KIAA0586: variants seen among roughly 807,000 people sequenced by gnomAD.
KIAA0586 encodes protein TALPID3.
In KIAA0586, 144 loss-of-function variants were observed where a neutral mutation model predicts 169.8. That is an observed-to-expected ratio of 0.85 (90% CI 0.74 to 0.97). KIAA0586 has a LOEUF of 0.97. Ranked by LOEUF, KIAA0586 falls within the 50% of genes least tolerant of loss-of-function variation. The pLI is 0.00. For missense variants in KIAA0586, 1,854 were observed against 1,823.0 expected (o/e 1.02, Z -0.31); for synonymous variants, 625 against 612.4 (o/e 1.02, Z -0.30).
chr14:58,466,657 G>C (rs2040797720), intron 15 of KIAA0586, among the ~76,000 whole-genome samples: 1 of 152,122 alleles, frequency 6.6e-6, no homozygotes, highest in African/African-American at 2.4e-5. Context: ...TTCAGTCCAG[G>C]AGTTTGAGGC....
intron 29 of KIAA0586, among the ~76,000 whole-genome samples, chr14:58,520,584 T>G (rs146277851): frequency 6.1e-4 from 93 of 152,244 alleles, no homozygotes; most frequent in Non-Finnish European, 1.0e-3. Context: ...TGCAGTGGCG[T>G]GATCATGGCT....
chr14:58,450,396 A>G (rs1049235479), intron 7 of KIAA0586, among the ~76,000 whole-genome samples, 183 bp from the exon 8 acceptor site: 1 of 152,196 alleles, frequency 6.6e-6, no homozygotes, highest in Non-Finnish European at 1.5e-5. Context: ...ATGTAAGTGT[A>G]CAATGTTTGT....
chr14:58,435,669 A>G (rs936614813), intron 4 of KIAA0586, among the ~76,000 whole-genome samples: 4 of 152,080 alleles, frequency 2.6e-5, no homozygotes, highest in South Asian at 2.1e-4. Flanking sequence ...ACATACACAC[A>G]TAATACCCAC....
chr14:58,518,792 T>G (rs934908814), intron 29 of KIAA0586, among the ~76,000 whole-genome samples: 14 of 152,182 alleles, frequency 9.2e-5, no homozygotes, highest in African/African-American at 3.1e-4. Flanking sequence ...TTTAACCCAC[T>G]CTCTTCCCCT....
Position 58,521,679 on chromosome 14 carries a change from A to G in KIAA0586, c.4429+9052A>G. The G allele has an allele frequency of 3.2e-6, 3 of 951,378 alleles. No homozygotes were observed. The South Asian group carries it at 3.8e-5, about 12-fold the overall frequency. The allele number at this position is 951,378 out of a possible 1,614,324, so 58.9% of individuals were successfully genotyped here. A position where few individuals can be genotyped will look rare whatever the true frequency, so the allele number is the denominator to read the frequency against. ...CAGGCCATTAAGAAGGAATTGACCC[A>G]GATAAAACAAAAAGTGGATTCTCTC... On this transcript the variant is annotated intron_variant, in intron 29 of 30. Transcript: ENST00000652326.
chr14:58,506,890 T>G (rs1255516843), intron 27 of KIAA0586, among the ~76,000 whole-genome samples: 1 of 6,820 alleles, frequency 1.5e-4, no homozygotes, highest in East Asian at 6.7e-3. Context: ...CTCATGCCTG[T>G]AATCCCAGCA....
At chr14:58,437,909 G>T (rs2037971556) in intron 4 of KIAA0586, among the ~76,000 whole-genome samples, 1 of 152,144 alleles carries the variant, frequency 6.6e-6, no homozygotes. Context: ...TAAGGAGTAT[G>T]TGGAGAAAGC....
chr14:58,522,071 C>T, intron 29 of KIAA0586: 1 of 787,760 alleles, frequency 1.3e-6, no homozygotes. Context: ...TTCACCAGAT[C>T]CTCTCCCATG....
In KIAA0586 at chr14:58,460,014, A is replaced by T. The variant is rs1380170746; in HGVS notation, c.1828A>T (p.Arg610Ter). Reference sequence around the variant, plus strand: ...TCAAAAGCAAATAGAAGAGCATTTTAGAAATCTACCTATGAGGGGCATGCC... The same window carrying T: ...TCAAAAGCAAATAGAAGAGCATTTTTGAAATCTACCTATGAGGGGCATGCC... ...HSQKQIEEHFRNLPMRGMPAS... is the reference protein window; with the variant it reads ...HSQKQIEEHF Residue 610 changes from arginine to a stop codon, truncating the protein, a stop_gained, in exon 13 of 31, where the codon AGA becomes TGA. Coordinates refer to ENST00000652326, the MANE Select transcript of KIAA0586 (RefSeq NM_001329943.3). LOFTEE classifies it high-confidence loss of function. The T allele has an allele frequency of 6.5e-7, 1 of 1,534,684 alleles. No homozygotes were observed. The highest frequency in any genetic ancestry group is 8.7e-7 in the Non-Finnish European group (1 of 1,146,104).
chr14:58,460,459 C>G (rs762248648), intron 13 of KIAA0586, among the ~76,000 whole-genome samples: 1 of 151,906 alleles, frequency 6.6e-6, no homozygotes, highest in Admixed American at 6.6e-5. Flanking sequence ...ATATGCAAGG[C>G]GTGGTACTAG....
chr14:58,457,846 T>C lies in KIAA0586; in HGVS notation c.1450T>C (p.Leu484=), dbSNP rs767473577. 3.1e-6 allele frequency: 5 copies of C among 1,608,696 alleles called. No individual in the cohort carries two copies. Among genetic ancestry groups the C allele is most frequent in the African/African-American group, 1.3e-5 (1 of 74,848 alleles). The part of the protein sequence containing the change: ...LQTTNTTRSV[L]KDAEKILRGV... ...AACAACCAATACAACAAGATCTGTATTGAAAGATGCTGAGAAGATTTTGAG... is the reference window on the plus strand; with the variant it reads ...AACAACCAATACAACAAGATCTGTACTGAAAGATGCTGAGAAGATTTTGAG... The change falls in exon 11 of 31, where the codon TTG becomes CTG. Residue 484 remains leucine (L), a synonymous_variant. Transcript: ENST00000652326.
At position 58,463,302 on chromosome 14, in the gene KIAA0586, A is replaced by G. The variant is rs553240628; in HGVS notation, c.2059+2142A>G. Among the ~76,000 whole-genome samples, 56 of 152,094 alleles carry G rather than the reference A, an allele frequency of 3.7e-4. 1 individual carries two copies. In the South Asian group the frequency reaches 0.011, roughly 30 times the overall value. ...TGTTATATTTTTATTTGTTTGTTTT[A>G]TTATTTATTTGTCACTACTGGACTG... On this transcript the variant is annotated intron_variant, in intron 14 of 30. Coordinates refer to ENST00000652326, the MANE Select transcript of KIAA0586 (RefSeq NM_001329943.3).
chr14:58,474,607 G>C lies in KIAA0586; in HGVS notation c.2635G>C (p.Glu879Gln). Residue 879 changes from glutamate (E) to glutamine (Q), a missense_variant and splice_region_variant, in exon 19 of 31, where the codon GAA becomes CAA. Coordinates refer to ENST00000652326, the MANE Select transcript of KIAA0586 (RefSeq NM_001329943.3). ...NFDEIIDVIQ[E>Q]EEKCDEIPDS... is the part of the protein sequence containing the mutation. ...ATAGTTTTGTTTTTGTTACTACCAGGAAGAAGAAAAATGTGATGAAATTCC... is the reference window on the plus strand; with the variant it reads ...ATAGTTTTGTTTTTGTTACTACCAGCAAGAAGAAAAATGTGATGAAATTCC... 1 of 1,575,182 alleles carries C rather than the reference G, an allele frequency of 6.3e-7. No homozygotes were observed. The highest frequency in any genetic ancestry group is 8.6e-7 in the Non-Finnish European group (1 of 1,164,662).
At chr14:58,506,868 GC>G (rs1380866838) in intron 27 of KIAA0586, among the ~76,000 whole-genome samples, 2 of 131,612 alleles carry the variant, frequency 1.5e-5, no homozygotes, top group African/African-American at 5.7e-5. Flanking sequence ...CAGGCTGGGT[GC>G]AGTGCAGTGG....
At chr14:58,542,490 A>T (rs2046702457) in intron 30 of KIAA0586, among the ~76,000 whole-genome samples, 3 of 152,026 alleles carry the variant, frequency 2.0e-5, no homozygotes, top group African/African-American at 4.8e-5. Flanking sequence ...AAAAAAAAAA[A>T]TTCCCAAAAT....
At chr14:58,518,267 C>CTTATATTT (rs2044909734) in intron 29 of KIAA0586, among the ~76,000 whole-genome samples, 1 of 152,100 alleles carries the variant, frequency 6.6e-6, no homozygotes, top group Non-Finnish European at 1.5e-5. Context: ...TTTACTCTTA[C>CTTATATTT]ATCTTTTTCT....
At chr14:58,499,054 A>G (rs565517549) in intron 27 of KIAA0586, 94 bp downstream of exon 27, 2 of 1,115,796 alleles carry the variant, frequency 1.8e-6, no homozygotes, top group African/African-American at 3.2e-5. Flanking sequence ...GGGCTTGCAA[A>G]ATTTCTTTAT....
At chr14:58,531,372 GCAAA>G (rs1210940050) in intron 29 of KIAA0586, among the ~76,000 whole-genome samples, 2 of 151,444 alleles carry the variant, frequency 1.3e-5, no homozygotes, top group Non-Finnish European at 2.9e-5. Context: ...AAAAAATTGG[GCAAA>G]GGATATCAAC....
rs749710241 is a variant in KIAA0586, at chr14:58,457,925, G to A, written c.1529G>A (p.Arg510His). Reference protein sequence around the residue: ...VLEENLEAIIRAKDGAAMYSL... With the variant: ...VLEENLEAIIHAKDGAAMYSL... ...GAAGAAAACCTGGAAGCTATTATTC[G>A]TGCAAAAGATGGAGCTGCCATGTAT... Residue 510 changes from arginine to histidine, a missense_variant, in exon 11 of 31, where the codon CGT (arginine) becomes CAT (histidine). Arg to His is a conservative substitution (Grantham distance 29). Transcript: ENST00000652326. 45 of 1,604,118 alleles carry A rather than the reference G, an allele frequency of 2.8e-5. No homozygotes were observed. The highest frequency in any genetic ancestry group is 2.4e-4 in the South Asian group (21 of 89,166).
Sources: allele counts gnomAD v4.1 joint callset (sites outside exome capture counted in the v4.1 genomes callset), GRCh38; gene constraint gnomAD v4.1.1; transcripts MANE v1.5; gene names NCBI Gene and HGNC (gene_info 2026-07-23, HGNC 2026-07-21).